Variants in CAMK1G observed in about 807,000 individuals in gnomAD.
CAMK1G encodes calcium/calmodulin-dependent protein kinase type 1G.
In CAMK1G, 27 loss-of-function variants were observed where a neutral mutation model predicts 54.8. The ratio of observed to expected loss-of-function variants is 0.49; its 90% CI spans 0.36 to 0.68. The LOEUF is 0.68. Among genes scored for constraint, CAMK1G ranks in the 30% least tolerant of loss-of-function variants. The pLI, the probability that CAMK1G is intolerant of heterozygous loss-of-function variation, is 0.00. For missense variants in CAMK1G, 512 were observed against 591.0 expected, an observed-to-expected ratio of 0.87 and a Z score of 1.39; for synonymous variants, 238 against 224.9, an observed-to-expected ratio of 1.06 and a Z score of -0.52.
intron 1 of CAMK1G, among the ~76,000 whole-genome samples, chr1:209,585,237 G>A (rs1363236400): frequency 6.6e-6 from 1 of 152,188 alleles, no homozygotes; most frequent in East Asian, 1.9e-4. Context: ...ACCATGAGAG[G>A]CTTGGGGCAA....
At chr1:209,607,287 T>A (rs954645922) in intron 6 of CAMK1G, among the ~76,000 whole-genome samples, 3 of 152,200 alleles carry the variant, frequency 2.0e-5, no homozygotes, top group African/African-American at 7.2e-5. Context: ...TCAGAGGAAG[T>A]CATGGCTCAT....
At chr1:209,596,816 C>A (rs1443480543) in intron 2 of CAMK1G, among the ~76,000 whole-genome samples, 1 of 152,158 alleles carries the variant, frequency 6.6e-6, no homozygotes, top group Non-Finnish European at 1.5e-5. Context: ...TCTACAATAT[C>A]ATTGTCACAC....
At chr1:209,598,680 T>G (rs1406875769) in intron 2 of CAMK1G, among the ~76,000 whole-genome samples, 1 of 152,212 alleles carries the variant, frequency 6.6e-6, no homozygotes, top group Non-Finnish European at 1.5e-5. Context: ...TCAACATAAC[T>G]CAGCAGCGCC....
At chr1:209,599,527 C>G (rs113091013) in intron 2 of CAMK1G, among the ~76,000 whole-genome samples, 1,943 of 152,246 alleles carry the variant, frequency 0.013, 48 homozygotes, top group African/African-American at 0.045. Flanking sequence ...ACATCATGAA[C>G]CTTTACCTAT....
chr1:209,586,130 CCTTCCT>C (rs1268051292), intron 1 of CAMK1G, among the ~76,000 whole-genome samples: 2 of 152,174 alleles, frequency 1.3e-5, no homozygotes, highest in African/African-American at 4.8e-5. Context: ...GGGGAAAGAT[CCTTCCT>C]CTCCCCTTCT....
intron 9 of CAMK1G, among the ~76,000 whole-genome samples, chr1:209,610,656 A>AC (rs1665759036): frequency 6.6e-6 from 1 of 152,158 alleles, no homozygotes; most frequent in African/African-American, 2.4e-5. Flanking sequence ...CAGGATCCAG[A>AC]TCAGTCTCTG....
intron 5 of CAMK1G, 112 bp from the exon 6 acceptor site, chr1:209,606,208 C>T: frequency 7.2e-7 from 1 of 1,381,038 alleles, no homozygotes; most frequent in East Asian, 2.3e-5. Context: ...GATGAGCTGG[C>T]CTTGAAGTCA....
chr1:209,597,383 T>C (rs1277589553), intron 2 of CAMK1G, among the ~76,000 whole-genome samples: 1 of 152,218 alleles, frequency 6.6e-6, no homozygotes, highest in Non-Finnish European at 1.5e-5. Context: ...TATCTGTCTT[T>C]CACATTGAAT....
intron 11 of CAMK1G, 133 bp downstream of exon 11, chr1:209,612,349 A>C: frequency 1.0e-6 from 1 of 955,256 alleles, no homozygotes; most frequent in East Asian, 2.6e-5. Context: ...GTTCTGGATG[A>C]GGGGGCAAGG....
At chr1:209,597,557 A>G (rs1323824342) in intron 2 of CAMK1G, among the ~76,000 whole-genome samples, 1 of 152,214 alleles carries the variant, frequency 6.6e-6, no homozygotes, top group African/African-American at 2.4e-5. Context: ...GGAAACACTC[A>G]CCTTTTAATT....
intron 3 of CAMK1G, among the ~76,000 whole-genome samples, chr1:209,602,878 C>T (rs1272553743): frequency 2.6e-5 from 4 of 152,152 alleles, no homozygotes; most frequent in Non-Finnish European, 5.9e-5. Flanking sequence ...TGTAGAATAA[C>T]CTAGTGTTGG....
intron 10 of CAMK1G, 75 bp downstream of exon 10, chr1:209,611,627 G>A: frequency 1.3e-6 from 2 of 1,503,538 alleles, no homozygotes; most frequent in East Asian, 2.3e-5. Flanking sequence ...GCTGACATAA[G>A]GGCTTTCCTT....
At chr1:209,607,985 T>C in intron 7 of CAMK1G, 52 bp downstream of exon 7, 1 of 1,436,936 alleles carries the variant, frequency 7.0e-7, no homozygotes, top group Non-Finnish European at 9.7e-7. Context: ...GGAGCCTGCT[T>C]ACCCCTTCTC....
chr1:209,597,842 T>C (rs895612772), intron 2 of CAMK1G, among the ~76,000 whole-genome samples: 1 of 152,242 alleles, frequency 6.6e-6, no homozygotes, highest in African/African-American at 2.4e-5. Context: ...AGATTCTCTC[T>C]CCTCTTGTAC....
intron 1 of CAMK1G, among the ~76,000 whole-genome samples, chr1:209,593,558 C>G (rs1665309302): frequency 1.3e-5 from 2 of 152,176 alleles, no homozygotes; most frequent in Admixed American, 1.3e-4. Context: ...CTCTAGTATT[C>G]ATGAGCTCAG....
At chr1:209,609,445 T>C (rs1409343560) in intron 8 of CAMK1G, among the ~76,000 whole-genome samples, 1 of 152,092 alleles carries the variant, frequency 6.6e-6, no homozygotes, top group Non-Finnish European at 1.5e-5. Flanking sequence ...GCATGCAATG[T>C]CTATGTGTGA....
intron 9 of CAMK1G, among the ~76,000 whole-genome samples, chr1:209,610,396 T>C: frequency 6.6e-6 from 1 of 152,216 alleles, no homozygotes; most frequent in Non-Finnish European, 1.5e-5. Context: ...CCAACTCAAT[T>C]TACAATAGCT....
intron 1 of CAMK1G, among the ~76,000 whole-genome samples, chr1:209,593,525 C>G (rs1173210440): frequency 6.6e-6 from 1 of 152,102 alleles, no homozygotes; most frequent in Non-Finnish European, 1.5e-5. Context: ...AACCATTTAA[C>G]CCCACCCCAA....
At chr1:209,602,886 T>C (rs939628411) in intron 3 of CAMK1G, among the ~76,000 whole-genome samples, 4 of 152,228 alleles carry the variant, frequency 2.6e-5, no homozygotes, top group African/African-American at 9.7e-5. Flanking sequence ...AACCTAGTGT[T>C]GGGTACTCCC....
Sources: allele counts gnomAD v4.1 joint callset (sites outside exome capture counted in the v4.1 genomes callset), GRCh38; gene constraint gnomAD v4.1.1; transcripts MANE v1.5; gene names NCBI Gene and HGNC (gene_info 2026-07-23, HGNC 2026-07-21).